ARRDC2: variants seen among roughly 807,000 people sequenced by gnomAD.
ARRDC2 encodes the protein arrestin domain containing 2.
In ARRDC2, 39 loss-of-function variants were observed where a neutral mutation model predicts 38.9. That is an observed-to-expected ratio of 1.00 (90% CI 0.78 to 1.31). ARRDC2 has a LOEUF of 1.31. ARRDC2 is among the 50% of genes most tolerant of loss of function. ARRDC2 has a pLI of 0.00. For synonymous variants in ARRDC2, 300 were observed against 261.9 expected (o/e 1.15, Z -1.41); for missense variants, 553 against 588.4 (o/e 0.94, Z 0.62).
rs989043228 is a variant in ARRDC2, at chr19:18,013,253, C to A, written c.*287C>A. The A allele has an allele frequency of 5.1e-6, 2 of 389,180 alleles. No homozygotes were observed. The highest frequency in any genetic ancestry group is 9.3e-6 in the Non-Finnish European group (2 of 215,342). 24.1% of individuals were successfully genotyped at this position (389,180 alleles called of 1,614,324 possible). On this transcript the variant is annotated 3_prime_UTR_variant, in exon 8 of 8. Coordinates refer to ENST00000222250, the MANE Select transcript of ARRDC2 (RefSeq NM_015683.2). ...CCCAGCCAATTGGTGGTGCTGGAAT[C>A]CCCTAGGAGCCTTCAGTCTGGGAGA... is the stretch of plus-strand genomic sequence containing the variant.
upstream of ARRDC2, chr19:18,007,844 T>G (rs1599396236): frequency 4.8e-6 from 1 of 208,702 alleles, no homozygotes; most frequent in South Asian, 6.1e-5. Flanking sequence ...GGGCGGCTGG[T>G]GAGTGATTAA....
chr19:18,005,157 C>T (rs553037780), upstream of ARRDC2, among the ~76,000 whole-genome samples: 3 of 151,782 alleles, frequency 2.0e-5, no homozygotes, highest in African/African-American at 4.8e-5. Flanking sequence ...GTGTTTGTGT[C>T]CCTGGGTACT....
At chr19:18,001,461 C>G (rs1378880282) in exon 1 of ARRDC2, 2 of 1,271,008 alleles carry the variant, frequency 1.6e-6, no homozygotes, top group Non-Finnish European at 2.0e-6. Flanking sequence ...TGAAGGCGCG[C>G]GGCGGGGCGG....
upstream of ARRDC2, among the ~76,000 whole-genome samples, chr19:18,006,666 T>C (rs1458828401): frequency 1.3e-5 from 2 of 151,294 alleles, no homozygotes; most frequent in African/African-American, 2.5e-5. Context: ...GCTTAAAAAT[T>C]GTTAAATTGT....
rs1311736570 is a variant in ARRDC2, at chr19:18,008,943, C to T, written c.342-28C>T. The T allele has an allele frequency of 4.3e-6, 7 of 1,611,670 alleles. No homozygotes were observed. In the African/African-American group the frequency reaches 9.4e-5, roughly 22 times the overall value. On this transcript the variant is annotated intron_variant, in intron 2 of 7. Coordinates refer to ENST00000222250, the MANE Select transcript of ARRDC2 (RefSeq NM_015683.2). The stretch of plus-strand genomic sequence containing the variant: ...CTGCCTGCTTGTCTCTGTATCTTGT[C>T]CCCTGAAGTCCCGTCCCTCCACCCT...
Position 18,013,672 on chromosome 19 carries a change from T to A in ARRDC2, c.*706T>A, listed in dbSNP as rs1216583044. 1.3e-5 allele frequency: 2 copies of A among 152,150 alleles called. No homozygotes were observed. The highest frequency in any genetic ancestry group is 2.1e-4 in the South Asian group (1 of 4,824). 9.4% of individuals were successfully genotyped at this position (152,150 alleles called of 1,614,324 possible). A position where few individuals can be genotyped will look rare whatever the true frequency, so the allele number is the denominator to read the frequency against. On this transcript the variant is annotated 3_prime_UTR_variant, in exon 8 of 8. Transcript: ENST00000222250. ...TTTGAAGACTTTGAAAGCCAGAGATTCCTGGCGCAGGCTTGGACTTCCTGG... is the reference window on the plus strand; with the variant it reads ...TTTGAAGACTTTGAAAGCCAGAGATACCTGGCGCAGGCTTGGACTTCCTGG...
At position 18,013,893 on chromosome 19, in the gene ARRDC2, T is replaced by G. The variant is rs1250971087; in HGVS notation, c.*927T>G. ...CCTGGGGACAGAGGTCAGCCTAAGGTGACACACGGGGACTACTGTGCTTCC... is the reference window on the plus strand; with the variant it reads ...CCTGGGGACAGAGGTCAGCCTAAGGGGACACACGGGGACTACTGTGCTTCC... On this transcript the variant is annotated 3_prime_UTR_variant, in exon 8 of 8. Coordinates refer to ENST00000222250, the MANE Select transcript of ARRDC2 (RefSeq NM_015683.2). 2 of 152,078 alleles carry G rather than the reference T, an allele frequency of 1.3e-5. No homozygotes were observed. Among genetic ancestry groups the G allele is most frequent in the Non-Finnish European group, 2.9e-5 (2 of 68,018 alleles). 9.4% of individuals were successfully genotyped at this position (152,078 alleles called of 1,614,324 possible). A position where few individuals can be genotyped will look rare whatever the true frequency, so the allele number is the denominator to read the frequency against.
upstream of ARRDC2, among the ~76,000 whole-genome samples, chr19:18,006,138 C>A (rs986452495): frequency 6.7e-6 from 1 of 150,300 alleles, no homozygotes; most frequent in Non-Finnish European, 1.5e-5. Flanking sequence ...TCCTCACTTT[C>A]CAGACTGGGC....
At chr19:18,008,121 ACCCCC>A, upstream of ARRDC2, 8 of 364,008 alleles carry the variant, frequency 2.2e-5, no homozygotes, top group Non-Finnish European at 3.3e-5. Context: ...CGGTGACCCC[ACCCCC>A]CCCCGCCCTG....
rs562811842 is a variant in ARRDC2, at chr19:18,011,983, G to A, written c.1171-930G>A. ...TTTTTTTTTTTTTTTTTGAGATGGAGTCTTGCTGTGTCACCTAGGCTGGAG... is the reference window on the plus strand; with the variant it reads ...TTTTTTTTTTTTTTTTTGAGATGGAATCTTGCTGTGTCACCTAGGCTGGAG... On this transcript the variant is annotated intron_variant, in intron 7 of 7. Transcript: ENST00000222250. Among the ~76,000 whole-genome samples the A allele has an allele frequency of 6.5e-3, 733 of 113,622 alleles. 8 individuals carry two copies. The highest frequency in any genetic ancestry group is 0.025 in the African/African-American group (699 of 28,456). The allele number at this position is 113,622 out of a possible 152,430, so 74.5% of individuals were successfully genotyped here.
At chr19:18,007,468 G>A (rs765735177), upstream of ARRDC2, 7 of 152,400 alleles carry the variant, frequency 4.6e-5, no homozygotes, top group Non-Finnish European at 8.8e-5. Flanking sequence ...GTGACGGTAT[G>A]TCAAGAGCAG....
Position 18,010,469 on chromosome 19 carries a change from A to G in ARRDC2, c.1013-103A>G, listed in dbSNP as rs1340260115. 4.5e-6 allele frequency: 7 copies of G among 1,555,642 alleles called. No individual in the cohort carries two copies. In the Admixed American group the frequency reaches 7.3e-5, roughly 16 times the overall value. ...CCGGAATCCCAACCAAAGGACATAC[A>G]GCCTGGCAGCCCCAGAGCTGGCACA... On this transcript the variant is annotated intron_variant, in intron 6 of 7. Transcript: ENST00000222250.
chr19:18,001,652 A>G, intron 1 of ARRDC2: 1 of 1,243,280 alleles, frequency 8.0e-7, no homozygotes, highest in Non-Finnish European at 1.0e-6. Flanking sequence ...GAAGCCTCTC[A>G]ACTTAGAACC....
rs1055579350 is a variant in ARRDC2, at chr19:18,010,106, A to C, written c.849+67A>C. On this transcript the variant is annotated intron_variant, in intron 5 of 7. Coordinates refer to ENST00000222250, the MANE Select transcript of ARRDC2 (RefSeq NM_015683.2). Reference sequence around the variant, plus strand: ...ACCCTGTATTCCCTCAGACTGGGGGAAGCTGAGGCCTCAGTCTCCCCAGGC... The same window carrying C: ...ACCCTGTATTCCCTCAGACTGGGGGCAGCTGAGGCCTCAGTCTCCCCAGGC... 9 of 1,603,924 alleles carry C rather than the reference A, an allele frequency of 5.6e-6. No homozygotes were observed. The African/African-American group carries it at 1.2e-4, about 22-fold the overall frequency.
chr19:18,006,714 G>T (rs1244538731), upstream of ARRDC2, among the ~76,000 whole-genome samples: 2 of 152,160 alleles, frequency 1.3e-5, no homozygotes, highest in African/African-American at 2.4e-5. Context: ...CTGGAGGGGC[G>T]AGGCCAGTGG....
upstream of ARRDC2, among the ~76,000 whole-genome samples, chr19:18,006,537 C>G (rs1053587062): frequency 1.3e-5 from 2 of 152,096 alleles, no homozygotes; most frequent in South Asian, 2.1e-4. Flanking sequence ...GAGAATCAGG[C>G]AGGGAGGTTG....
At chr19:18,007,988 G>T (rs573947595), upstream of ARRDC2, 25 of 531,022 alleles carry the variant, frequency 4.7e-5, no homozygotes, top group Non-Finnish European at 7.0e-5. Context: ...TCTCCCCGGG[G>T]TCCGCGAGGG....
chr19:18,009,786 A>G lies in ARRDC2; in HGVS notation c.596A>G (p.Glu199Gly). 1 of 1,612,574 alleles carries G rather than the reference A, an allele frequency of 6.2e-7. No individual in the cohort carries two copies. The highest frequency in any genetic ancestry group is 8.5e-7 in the Non-Finnish European group (1 of 1,179,768). ...GCCCCACTGCTCCTTGCTGCAGGAG[A>G]GGTCATCCCTGTCTTTGCCGAGATC... is the stretch of plus-strand genomic sequence containing the variant. ...KIDRKGYTPG[E>G]VIPVFAEIDN... Residue 199 changes from glutamate to glycine, a missense_variant, in exon 5 of 8, where the codon GAG (glutamate) becomes GGG (glycine). Physicochemically the swap from Glu to Gly is moderately conservative, Grantham distance 98. Coordinates refer to ENST00000222250, the MANE Select transcript of ARRDC2 (RefSeq NM_015683.2).
upstream of ARRDC2, among the ~76,000 whole-genome samples, chr19:18,003,802 G>A (rs895847613): frequency 1.6e-4 from 25 of 152,036 alleles, 1 homozygote; most frequent in Non-Finnish European, 1.5e-5. Flanking sequence ...ACCACGCCCG[G>A]CTAATTTTTT....
Sources: allele counts gnomAD v4.1 joint callset (sites outside exome capture counted in the v4.1 genomes callset), GRCh38; gene constraint gnomAD v4.1.1; transcripts MANE v1.5; gene names NCBI Gene and HGNC (gene_info 2026-07-23, HGNC 2026-07-21).